The following RORA variants were observed in gnomAD, a reference collection of about 807,000 sequenced individuals.
The protein encoded by RORA is RAR related orphan receptor A.
RORA carries 7 observed loss-of-function variants against 69.5 expected under a neutral mutation model. The observed-to-expected ratio is 0.10, with a 90% CI of 0.06 to 0.19. The LOEUF (loss-of-function observed/expected upper bound fraction) is 0.19. Ranked by LOEUF, RORA falls within the 10% of genes least tolerant of loss-of-function variation. The probability of loss-of-function intolerance (pLI) is 1.00; values close to 1 mark genes in which losing one functional copy is unlikely to be tolerated. For synonymous variants in RORA, 261 were observed against 240.8 expected (o/e 1.08, Z -0.78); for missense variants, 457 against 663.0 (o/e 0.69, Z 3.41).
intron 1 of RORA, among the ~76,000 whole-genome samples, chr15:60,819,869 T>C (rs1188056040): frequency 6.6e-6 from 1 of 151,670 alleles, no homozygotes; most frequent in East Asian, 1.9e-4. Flanking sequence ...TGCATCCCAA[T>C]CAGGCAAGAG....
At chr15:61,091,958 C>T (rs192633932) in intron 1 of RORA, among the ~76,000 whole-genome samples, 46 of 152,298 alleles carry the variant, frequency 3.0e-4, no homozygotes, top group African/African-American at 9.4e-4. Flanking sequence ...TTGATGGTGG[C>T]CCCCAAGACT....
At chr15:60,948,084 G>C (rs1892954549) in intron 1 of RORA, among the ~76,000 whole-genome samples, 1 of 152,198 alleles carries the variant, frequency 6.6e-6, no homozygotes, top group African/African-American at 2.4e-5. Flanking sequence ...CACAGAGAAA[G>C]TGAAGACGGC....
At chr15:61,160,813 A>G (rs534115224) in intron 1 of RORA, among the ~76,000 whole-genome samples, 1 of 152,328 alleles carries the variant, frequency 6.6e-6, no homozygotes, top group Non-Finnish European at 1.5e-5. Context: ...AAAAGTCACA[A>G]TGCAGAGTGA....
intron 1 of RORA, among the ~76,000 whole-genome samples, chr15:61,208,177 A>G (rs1386932892): frequency 6.6e-6 from 1 of 152,238 alleles, no homozygotes; most frequent in African/African-American, 2.4e-5. Context: ...ATGAATGAAT[A>G]AACAAAATGT....
At chr15:60,744,250 C>T (rs747810856) in intron 1 of RORA, among the ~76,000 whole-genome samples, 3 of 152,142 alleles carry the variant, frequency 2.0e-5, no homozygotes, top group East Asian at 1.9e-4. Flanking sequence ...TAAAGATATA[C>T]GTTGCTTTTA....
chr15:60,818,216 A>G (rs1394885629), intron 1 of RORA, among the ~76,000 whole-genome samples: 1 of 152,174 alleles, frequency 6.6e-6, no homozygotes, highest in Non-Finnish European at 1.5e-5. Flanking sequence ...AGTTTTTGCT[A>G]TTACCTTTAA....
At chr15:61,171,770 T>C (rs1199012342) in intron 1 of RORA, among the ~76,000 whole-genome samples, 1 of 152,344 alleles carries the variant, frequency 6.6e-6, no homozygotes, top group South Asian at 2.1e-4. Context: ...CTGTCCTCCC[T>C]GTATCTTCAG....
chr15:61,008,203 CTGTGTGTGTGTG>C (rs10581853), intron 1 of RORA, among the ~76,000 whole-genome samples: 4 of 135,136 alleles, frequency 3.0e-5, no homozygotes, highest in African/African-American at 5.6e-5. Flanking sequence ...CTCTCTCTCT[CTGTGTGTGTGTG>C]TGTGTGTGTG....
At chr15:61,034,885 G>A (rs1896378193) in intron 1 of RORA, among the ~76,000 whole-genome samples, 1 of 150,746 alleles carries the variant, frequency 6.6e-6, no homozygotes, top group Non-Finnish European at 1.5e-5. Context: ...CTACGATCAA[G>A]GAGGAAAAGC....
intron 1 of RORA, among the ~76,000 whole-genome samples, chr15:61,087,870 C>T (rs1025353557): frequency 1.3e-5 from 2 of 152,124 alleles, no homozygotes; most frequent in Non-Finnish European, 2.9e-5. Context: ...TTCTTTAAAC[C>T]TTTTGCTTTT....
At chr15:60,768,104 T>C (rs62002747) in intron 1 of RORA, among the ~76,000 whole-genome samples, 58,322 of 152,166 alleles carry the variant, frequency 0.38, 13,263 homozygotes, top group Non-Finnish European at 0.5. Flanking sequence ...CAGTAAATTC[T>C]ATCTGTGTTT....
intron 1 of RORA, among the ~76,000 whole-genome samples, chr15:60,681,076 C>T (rs2070635641): frequency 6.6e-6 from 1 of 151,980 alleles, no homozygotes. Context: ...TGAAAAAAAT[C>T]AGAAAATGTA....
At chr15:60,809,716 A>G (rs1440032721) in intron 1 of RORA, among the ~76,000 whole-genome samples, 3 of 151,814 alleles carry the variant, frequency 2.0e-5, no homozygotes, top group African/African-American at 7.3e-5. Flanking sequence ...TGGTTTTATG[A>G]CAATGTAAAT....
intron 2 of RORA, among the ~76,000 whole-genome samples, chr15:60,602,107 C>T (rs1294184731): frequency 6.6e-6 from 1 of 152,094 alleles, no homozygotes; most frequent in Admixed American, 6.5e-5. Context: ...CTTTCATAGA[C>T]CAGAATGTAA....
At chr15:60,677,087 CA>C in intron 2 of RORA, 1 of 442,240 alleles carries the variant, frequency 2.3e-6, no homozygotes, top group South Asian at 1.6e-5. Context: ...ACAGTAGGCA[CA>C]ATCATCAGCC....
chr15:60,592,291 T>G, intron 2 of RORA: 3 of 888,488 alleles, frequency 3.4e-6, no homozygotes, highest in Non-Finnish European at 4.5e-6. Context: ...AGTACGTGCG[T>G]TCGGGCAGGC....
intron 1 of RORA, among the ~76,000 whole-genome samples, chr15:60,876,350 T>C (rs1388843220): frequency 6.7e-6 from 1 of 148,974 alleles, no homozygotes; most frequent in Non-Finnish European, 1.5e-5. Flanking sequence ...ACCACACTTG[T>C]TGGAGGCACT....
chr15:61,130,991 T>C (rs943196376), intron 1 of RORA, among the ~76,000 whole-genome samples: 1 of 152,194 alleles, frequency 6.6e-6, no homozygotes, highest in East Asian at 1.9e-4. Flanking sequence ...TGACTCCAAA[T>C]ATAAGTCTAA....
At chr15:61,095,443 C>T (rs1022503555) in intron 1 of RORA, among the ~76,000 whole-genome samples, 1 of 152,096 alleles carries the variant, frequency 6.6e-6, no homozygotes, top group East Asian at 1.9e-4. Context: ...AAGGAAGTTA[C>T]ATACAAAACC....
Sources: gnomAD v4.1 joint callset for allele counts (sites outside exome capture counted in the v4.1 genomes callset) on GRCh38, gnomAD v4.1.1 for gene constraint, MANE v1.5 for transcripts, NCBI Gene and HGNC (gene_info 2026-07-23, HGNC 2026-07-21) for gene names.